NEK10: variants seen among roughly 807,000 people sequenced by gnomAD.
The protein encoded by NEK10 is serine/threonine-protein kinase Nek10.
NEK10 carries 122 observed loss-of-function variants against 159.8 expected under a neutral mutation model. That is an observed-to-expected ratio of 0.76 (90% CI 0.66 to 0.89). The LOEUF is 0.89. Among genes scored for constraint, NEK10 ranks in the 40% least tolerant of loss-of-function variants. The pLI, the probability that NEK10 is intolerant of heterozygous loss-of-function variation, is 0.00. For missense variants in NEK10, 1,342 were observed against 1,323.1 expected (o/e 1.01, Z -0.22); for synonymous variants, 466 against 457.1 (o/e 1.02, Z -0.25).
intron 30 of NEK10, among the ~76,000 whole-genome samples, chr3:27,153,336 AGAAAT>A (rs1945078194): frequency 6.6e-6 from 1 of 151,098 alleles, no homozygotes; most frequent in African/African-American, 2.4e-5. Flanking sequence ...AAAAAAAAAA[AGAAAT>A]GAGACAGACA....
At chr3:27,126,759 CA>C (rs149878878) in intron 32 of NEK10, among the ~76,000 whole-genome samples, 39 of 146,366 alleles carry the variant, frequency 2.7e-4, no homozygotes, top group Admixed American at 6.8e-4. Context: ...CACCTGGGAG[CA>C]AAAAAAAAAC....
At chr3:27,119,953 C>T in intron 32 of NEK10, 85 bp from the exon 33 acceptor site, 1 of 940,744 alleles carries the variant, frequency 1.1e-6, no homozygotes, top group South Asian at 1.4e-5. Context: ...TTTCATTTCC[C>T]TATGTCTCTG....
chr3:27,162,873 T>A, intron 29 of NEK10, 135 bp from the exon 30 acceptor site: 1 of 1,128,538 alleles, frequency 8.9e-7, no homozygotes, highest in Non-Finnish European at 1.3e-6. Flanking sequence ...CTCAAGAGTT[T>A]AATTAAGAGG....
In NEK10 at chr3:27,177,545, C is replaced by CA. The variant is rs59530835; in HGVS notation, c.2506-2713dup. On this transcript the variant is annotated intron_variant, in intron 26 of 35. Coordinates refer to ENST00000691995, the MANE Select transcript of NEK10 (RefSeq NM_001394966.1). ...GGGTGACAGAGCAAGACTCTTGTCT[C>CA]AAAAAAAAAAATATATATATATTTC... 2.8e-3 allele frequency among the ~76,000 whole-genome samples: 360 copies of CA among 128,132 alleles called. 2 individuals carry two copies. Among genetic ancestry groups the CA allele is most frequent in the African/African-American group, 7.9e-3 (286 of 36,320 alleles). 84.1% of individuals were successfully genotyped at this position (128,132 alleles called of 152,430 possible).
rs1333610571 is a variant in NEK10 at position 27,108,067 on chromosome 3, A to C, written c.*3205T>G. On this transcript the variant is annotated 3_prime_UTR_variant, in exon 36 of 36. Transcript: ENST00000691995. The stretch of plus-strand genomic sequence containing the variant: ...TAATGATATTTCTGGAATTGTACAT[A>C]ATCAGACCTGTATTTGTTTTTGGAC... Among the ~76,000 whole-genome samples, 2 of 152,220 alleles carry C rather than the reference A, an allele frequency of 1.3e-5. No homozygotes were observed. The highest frequency in any genetic ancestry group is 4.8e-5 in the African/African-American group (2 of 41,462).
intron 23 of NEK10, among the ~76,000 whole-genome samples, chr3:27,252,531 T>C (rs1473902410): frequency 6.6e-6 from 1 of 152,242 alleles, no homozygotes; most frequent in African/African-American, 2.4e-5. Context: ...GTAGCAAATA[T>C]TACTTGTGAG....
At chr3:27,279,590 A>T (rs911876782) in intron 22 of NEK10, among the ~76,000 whole-genome samples, 1 of 152,218 alleles carries the variant, frequency 6.6e-6, no homozygotes, top group East Asian at 1.9e-4. Flanking sequence ...ATATTTCAGC[A>T]CTATTATATT....
intron 29 of NEK10, among the ~76,000 whole-genome samples, chr3:27,165,869 C>A (rs1244761474): frequency 6.6e-6 from 1 of 152,200 alleles, no homozygotes; most frequent in East Asian, 1.9e-4. Flanking sequence ...ATTTTGCCAG[C>A]AGAGTCCTGG....
At chr3:27,131,078 T>G (rs535519798) in intron 32 of NEK10, among the ~76,000 whole-genome samples, 5 of 152,196 alleles carry the variant, frequency 3.3e-5, no homozygotes, top group African/African-American at 1.2e-4. Flanking sequence ...GCTGAAGCTT[T>G]GATGCATTAA....
At chr3:27,171,908 T>G in intron 28 of NEK10, 35 bp from the exon 29 acceptor site, 2 of 1,589,986 alleles carry the variant, frequency 1.3e-6, no homozygotes, top group Non-Finnish European at 1.7e-6. Flanking sequence ...TTTACATTAT[T>G]TCCTCTGCAA....
chr3:27,333,266 C>T (rs1437654472), intron 5 of NEK10, among the ~76,000 whole-genome samples: 2 of 152,078 alleles, frequency 1.3e-5, no homozygotes, highest in Non-Finnish European at 2.9e-5. Context: ...TGACCCATGG[C>T]CAGGTGCGGT....
Position 27,208,641 on chromosome 3 carries a change from A to G in NEK10, c.2091-6084T>C, listed in dbSNP as rs1950737784. Among the ~76,000 whole-genome samples, 3 of 152,324 alleles carry G rather than the reference A, an allele frequency of 2.0e-5. No homozygotes were observed. In the South Asian group the frequency reaches 6.2e-4, roughly 32 times the overall value. ...TGATCCCCTCCTTCTCTAGGATCCCAAGTATTTGGTTCTGGTGACTAAATG... is the reference window on the plus strand; with the variant it reads ...TGATCCCCTCCTTCTCTAGGATCCCGAGTATTTGGTTCTGGTGACTAAATG... On this transcript the variant is annotated intron_variant, in intron 23 of 35. Coordinates refer to ENST00000691995, the MANE Select transcript of NEK10 (RefSeq NM_001394966.1).
chr3:27,122,276 T>C (rs955084826), intron 32 of NEK10, among the ~76,000 whole-genome samples: 5 of 152,178 alleles, frequency 3.3e-5, no homozygotes, highest in African/African-American at 1.2e-4. Flanking sequence ...AGAAGTGCCT[T>C]CCACCATGAT....
chr3:27,240,917 G>A (rs1480143130), intron 23 of NEK10, among the ~76,000 whole-genome samples: 1 of 152,092 alleles, frequency 6.6e-6, no homozygotes, highest in African/African-American at 2.4e-5. Flanking sequence ...GCCTCCTAAA[G>A]TGCTGGAATT....
intron 5 of NEK10, among the ~76,000 whole-genome samples, chr3:27,326,796 C>T (rs1405191479): frequency 3.3e-5 from 5 of 152,176 alleles, no homozygotes; most frequent in Non-Finnish European, 7.3e-5. Context: ...AGTCCTCTGG[C>T]TTCTCATCTC....
At chr3:27,331,710 C>A (rs1460559412) in intron 5 of NEK10, among the ~76,000 whole-genome samples, 1 of 152,112 alleles carries the variant, frequency 6.6e-6, no homozygotes, top group South Asian at 2.1e-4. Context: ...CTATATTAAT[C>A]CTCTTGGTTA....
rs1341865913 is a variant in NEK10 at position 27,174,774 on chromosome 3, A to G, written c.2565T>C (p.Ser855=). 2 of 1,612,202 alleles carry G rather than the reference A, an allele frequency of 1.2e-6. No homozygotes were observed. Among genetic ancestry groups the G allele is most frequent in the Non-Finnish European group, 1.7e-6 (2 of 1,179,392 alleles). Residue 855 remains serine (S), a synonymous_variant, in exon 27 of 36, where the codon AGT becomes AGC. Transcript: ENST00000691995. ...SSSSGAASLK[S]ELSESADLPP... ...GCAGGTCTGCGCTTTCTGAAAGTTC[A>G]CTTTTCAGGCTGGCTGCTCCACTGC...
rs547217235 is a variant in NEK10 at position 27,299,590 on chromosome 3, T to C, written c.1168+2106A>G. On this transcript the variant is annotated intron_variant, in intron 13 of 35. Coordinates refer to ENST00000691995, the MANE Select transcript of NEK10 (RefSeq NM_001394966.1). ...TCCTCCAGTAGAATGGCAGATCCACTGACAAGTGTGCACAGTGTACCTGGA... is the reference window on the plus strand; with the variant it reads ...TCCTCCAGTAGAATGGCAGATCCACCGACAAGTGTGCACAGTGTACCTGGA... Among the ~76,000 whole-genome samples the C allele has an allele frequency of 3.3e-5, 5 of 152,272 alleles. No homozygotes were observed. The East Asian group carries it at 7.7e-4, about 24-fold the overall frequency.
rs768297559 is a variant in NEK10 at position 27,131,910 on chromosome 3, G to T, written c.3051C>A (p.Asn1017Lys). The T allele has an allele frequency of 1.2e-6, 2 of 1,600,476 alleles. No individual in the cohort carries two copies. The highest frequency in any genetic ancestry group is 1.7e-6 in the Non-Finnish European group (2 of 1,169,250). ...TAATTTCAGATTTCAAATTACAAGG[G>T]TTACTCTGCTGGCTGAAGAGGGATT... ...FKKSLFSQQSNPCNLKSEIKK... is the reference protein window; with the variant it reads ...FKKSLFSQQSKPCNLKSEIKK... The change falls in exon 32 of 36, where the codon AAC becomes AAA. Residue 1017 changes from asparagine (N) to lysine (K), a missense_variant. Coordinates refer to ENST00000691995, the MANE Select transcript of NEK10 (RefSeq NM_001394966.1).
Sources: gnomAD v4.1 joint callset for allele counts (sites outside exome capture counted in the v4.1 genomes callset) on GRCh38, gnomAD v4.1.1 for gene constraint, MANE v1.5 for transcripts, NCBI Gene and HGNC (gene_info 2026-07-23, HGNC 2026-07-21) for gene names.